SYNE2: variants seen among roughly 807,000 people sequenced by gnomAD.
SYNE2 encodes the protein nesprin-2.
In SYNE2, 431 loss-of-function variants were observed where a neutral mutation model predicts 856.3. The observed-to-expected ratio is 0.50, with a 90% CI of 0.47 to 0.55. The LOEUF is 0.55. Among genes scored for constraint, SYNE2 ranks in the 20% least tolerant of loss-of-function variants. SYNE2 has a pLI of 0.00. For missense variants in SYNE2, 8,129 were observed against 8,023.2 expected (o/e 1.01, Z -0.50); for synonymous variants, 2,923 against 2,872.3 (o/e 1.02, Z -0.56).
In SYNE2 at chr14:64,002,669, G is replaced by C. The variant is rs1380349231; in HGVS notation, c.3787-51G>C. The C allele has an allele frequency of 1.9e-6, 3 of 1,595,472 alleles. No homozygotes were observed. In the Admixed American group the frequency reaches 5.2e-5, roughly 28 times the overall value. ...GTTTGGGGCTAGTTTCTCACATGTA[G>C]CCTTTCTTTTTTCCACCTCAGTGTT... On this transcript the variant is annotated intron_variant, in intron 29 of 115. Transcript: ENST00000555002.
At position 64,221,652 on chromosome 14, in the gene SYNE2, C is replaced by G; in HGVS notation, c.20138C>G (p.Thr6713Ser). The change falls in exon 112 of 116, where the codon ACC becomes AGC. Residue 6713 changes from threonine to serine, a missense_variant. Coordinates refer to ENST00000555002, the MANE Select transcript of SYNE2 (RefSeq NM_182914.3). ...AACCGGAGGCAGAAGGCTCATGTCA[C>G]CGATCCAAAGGCAGACCCCCGGGCT... ...AKNRRQKAHV[T>S]DPKADPRALL... is the part of the protein sequence containing the mutation. The G allele has an allele frequency of 6.2e-7, 1 of 1,614,132 alleles. No homozygotes were observed.
At position 64,101,145 on chromosome 14, in the gene SYNE2, G is replaced by GT. The variant is rs532357881; in HGVS notation, c.12382-781dup. On this transcript the variant is annotated intron_variant, in intron 63 of 115. Transcript: ENST00000555002. ...TGCAGACATCTCTTTGACATACTGA[G>GT]TTTTTTCCTTTGGATATGTACTCAG... 1.9e-4 allele frequency among the ~76,000 whole-genome samples: 29 copies of GT among 152,166 alleles called. 1 individual carries two copies. Among genetic ancestry groups the GT allele is most frequent in the Middle Eastern group, 3.4e-3 (1 of 294 alleles).
chr14:64,080,405 C>G, intron 55 of SYNE2, 51 bp from the exon 56 acceptor site: 1 of 1,584,928 alleles, frequency 6.3e-7, no homozygotes, highest in Non-Finnish European at 8.7e-7. Flanking sequence ...GGCATTGCCT[C>G]CATAAACTAT....
intron 1 of SYNE2, among the ~76,000 whole-genome samples, chr14:63,816,187 T>C (rs918378382): frequency 3.9e-5 from 6 of 152,134 alleles, no homozygotes; most frequent in Non-Finnish European, 7.3e-5. Context: ...GACCTCATGA[T>C]ATGCCCGCCT....
At chr14:63,781,965 A>C (rs1011563217) in intron 1 of SYNE2, among the ~76,000 whole-genome samples, 22 of 151,996 alleles carry the variant, frequency 1.4e-4, no homozygotes, top group African/African-American at 4.3e-4. Flanking sequence ...CAACAGAGCG[A>C]GACCCTGTCT....
intron 1 of SYNE2, among the ~76,000 whole-genome samples, chr14:63,899,400 C>T (rs907703141): frequency 6.6e-6 from 1 of 152,086 alleles, no homozygotes; most frequent in Non-Finnish European, 1.5e-5. Context: ...CAGGGTTTCA[C>T]CTTGTTGGCC....
At chr14:63,980,628 C>G (rs1302540111) in intron 14 of SYNE2, 26 bp from the exon 15 acceptor site, 1 of 1,448,484 alleles carries the variant, frequency 6.9e-7, no homozygotes, top group South Asian at 1.2e-5. Flanking sequence ...TAAAAACTGT[C>G]AATATGTTTT....
chr14:63,986,034 A>T (rs1009132318), intron 18 of SYNE2, among the ~76,000 whole-genome samples: 2 of 152,220 alleles, frequency 1.3e-5, no homozygotes, highest in African/African-American at 4.8e-5. Flanking sequence ...ATTGTCAAAG[A>T]ACTACATCTT....
Position 64,143,840 on chromosome 14 carries a change from A to G in SYNE2, c.15375A>G (p.Leu5125=). 2 of 1,614,208 alleles carry G rather than the reference A, an allele frequency of 1.2e-6. No individual in the cohort carries two copies. The highest frequency in any genetic ancestry group is 1.1e-5 in the South Asian group (1 of 91,086). The part of the protein sequence containing the change: ...VDFVNQSLLQ[L]STCDVESKRY... ...TCGTTAACCAGTCATTACTTCAGCT[A>G]AGCACCTGTGATGTAGAAAGCAAGC... The change falls in exon 83 of 116, where the codon CTA becomes CTG. Residue 5125 remains leucine, a synonymous_variant. Coordinates refer to ENST00000555002, the MANE Select transcript of SYNE2 (RefSeq NM_182914.3).
intron 78 of SYNE2, among the ~76,000 whole-genome samples, chr14:64,134,704 C>T (rs577051537): frequency 3.3e-5 from 5 of 152,104 alleles, no homozygotes; most frequent in Non-Finnish European, 5.9e-5. Context: ...AGGCCGGACA[C>T]GATGGCTCAC....
chr14:63,866,554 A>C (rs983641755), intron 1 of SYNE2, among the ~76,000 whole-genome samples: 3 of 152,198 alleles, frequency 2.0e-5, no homozygotes, highest in Admixed American at 2.0e-4. Context: ...GACAACCTAC[A>C]GTGCAAAAAA....
intron 31 of SYNE2, among the ~76,000 whole-genome samples, chr14:64,008,844 G>T (rs913989601): frequency 6.6e-6 from 1 of 152,186 alleles, no homozygotes; most frequent in Non-Finnish European, 1.5e-5. Context: ...ATCCTGTGTG[G>T]CTTGGGGCAT....
Position 63,912,308 on chromosome 14 carries a change from G to C in SYNE2, c.79+3081G>C, listed in dbSNP as rs968071026. 1.7e-4 allele frequency among the ~76,000 whole-genome samples: 26 copies of C among 152,076 alleles called. 1 individual carries two copies. Among genetic ancestry groups the C allele is most frequent in the Non-Finnish European group, 8.8e-5 (6 of 68,028 alleles). On this transcript the variant is annotated intron_variant, in intron 2 of 115. Coordinates refer to ENST00000555002, the MANE Select transcript of SYNE2 (RefSeq NM_182914.3). ...GCAGACACTTGTATATATTTCTAAAGGCACCTTTGCTTTCATAGCAGGATT... is the reference window on the plus strand; with the variant it reads ...GCAGACACTTGTATATATTTCTAAACGCACCTTTGCTTTCATAGCAGGATT...
intron 17 of SYNE2, among the ~76,000 whole-genome samples, 183 bp from the exon 18 acceptor site, chr14:63,983,554 T>G (rs2096602786): frequency 6.6e-6 from 1 of 152,222 alleles, no homozygotes; most frequent in Non-Finnish European, 1.5e-5. Context: ...AAAATATTTT[T>G]TCAACTGATT....
intron 79 of SYNE2, among the ~76,000 whole-genome samples, chr14:64,139,252 G>A (rs1195927479): frequency 6.6e-6 from 1 of 151,732 alleles, no homozygotes; most frequent in Non-Finnish European, 1.5e-5. Context: ...CAAAGTGCTG[G>A]GATTACAGAA....
At chr14:64,225,160 G>C in intron 115 of SYNE2, 115 bp downstream of exon 115, 1 of 1,544,072 alleles carries the variant, frequency 6.5e-7, no homozygotes, top group Non-Finnish European at 8.9e-7. Flanking sequence ...CTTTTGTCTG[G>C]AAAGGGCTGG....
chr14:63,793,732 T>C (rs767681235), intron 1 of SYNE2, among the ~76,000 whole-genome samples: 1 of 151,708 alleles, frequency 6.6e-6, no homozygotes, highest in African/African-American at 2.4e-5. Flanking sequence ...AGCCCAGGAA[T>C]TCAAGACCAG....
At position 64,188,536 on chromosome 14, in the gene SYNE2, A is replaced by AT; in HGVS notation, c.17713-10dup. The AT allele has an allele frequency of 5.0e-6, 8 of 1,614,176 alleles. No homozygotes were observed. Among genetic ancestry groups the AT allele is most frequent in the Non-Finnish European group, 6.8e-6 (8 of 1,180,040 alleles). The stretch of plus-strand genomic sequence containing the variant: ...CTGGCTATACTCAGCTGCCAAATGT[A>AT]TTTTCATTTGCAGGTGGCCATACGT... On this transcript the variant is annotated splice_polypyrimidine_tract_variant and intron_variant, in intron 97 of 115. Coordinates refer to ENST00000555002, the MANE Select transcript of SYNE2 (RefSeq NM_182914.3).
chr14:63,861,041 C>T (rs1046967394), intron 1 of SYNE2, among the ~76,000 whole-genome samples: 2 of 152,034 alleles, frequency 1.3e-5, no homozygotes, highest in African/African-American at 4.8e-5. Flanking sequence ...GATGCATGCT[C>T]CAGACTGTGA....
Sources: allele counts gnomAD v4.1 joint callset (sites outside exome capture counted in the v4.1 genomes callset), GRCh38; gene constraint gnomAD v4.1.1; transcripts MANE v1.5; gene names NCBI Gene and HGNC (gene_info 2026-07-23, HGNC 2026-07-21).